Variants in GNG2 observed in about 807,000 individuals in gnomAD.
GNG2 encodes guanine nucleotide-binding protein G(I)/G(S)/G(O) subunit gamma-2.
Under a neutral mutation model 5.5 loss-of-function variants are expected in GNG2, and 5 were observed. That is an observed-to-expected ratio of 0.91 (90% confidence interval 0.48 to 1.92). The LOEUF (loss-of-function observed/expected upper bound fraction) is 1.92, where lower values mean the gene tolerates loss of function less well. Among genes scored for constraint, GNG2 ranks in the 30% most tolerant of loss-of-function variants. GNG2 has a pLI of 0.01. For missense variants in GNG2, 55 were observed against 88.4 expected, an observed-to-expected ratio of 0.62 and a Z score of 1.52; for synonymous variants, 28 against 32.0, an observed-to-expected ratio of 0.88 and a Z score of 0.42.
At chr14:51,876,042 A>G (rs544514035) in intron 1 of GNG2, among the ~76,000 whole-genome samples, 29 of 149,540 alleles carry the variant, frequency 1.9e-4, no homozygotes, top group African/African-American at 7.2e-4. Context: ...GGCTCAAGCT[A>G]TCCTCCCACC....
In GNG2 at chr14:51,936,180, G is replaced by A. The variant is rs541946633; in HGVS notation, c.-29-14470G>A. 4.6e-5 allele frequency among the ~76,000 whole-genome samples: 7 copies of A among 152,278 alleles called. No individual in the cohort carries two copies. The East Asian group carries it at 1.2e-3, about 25-fold the overall frequency. On this transcript the variant is annotated intron_variant, in intron 2 of 3. Coordinates refer to ENST00000556766, the MANE Select transcript of GNG2 (RefSeq NM_053064.5). ...AACCTGTATCACAAGTGATTAAAGT[G>A]TATTAAATCAGTGGTTATAAAAGGG...
intron 2 of GNG2, among the ~76,000 whole-genome samples, chr14:51,882,108 TGTAAATAAGG>T (rs1884118133): frequency 6.6e-6 from 1 of 152,192 alleles, no homozygotes; most frequent in Non-Finnish European, 1.5e-5. Flanking sequence ...AGAGAGTAAA[TGTAAATAAGG>T]ATCAAAATAA....
rs764472514 is a variant in GNG2, at chr14:51,966,545, G to T, written c.88-14G>T. 14 of 1,612,986 alleles carry T rather than the reference G, an allele frequency of 8.7e-6. No individual in the cohort carries two copies. The highest frequency in any genetic ancestry group is 1.2e-5 in the Non-Finnish European group (14 of 1,179,158). On this transcript the variant is annotated splice_polypyrimidine_tract_variant and intron_variant, in intron 3 of 3. Transcript: ENST00000556766. Reference sequence around the variant, plus strand: ...CCAGACTCCAGTGTTGGTTGTTTTTGTCTCCCTTTCCAGGTGTCCAAGGCA... The same window carrying T: ...CCAGACTCCAGTGTTGGTTGTTTTTTTCTCCCTTTCCAGGTGTCCAAGGCA...
intron 2 of GNG2, among the ~76,000 whole-genome samples, chr14:51,851,880 A>T (rs66791267): frequency 0.19 from 28,966 of 152,220 alleles, 2,984 homozygotes; most frequent in Middle Eastern, 0.3. Flanking sequence ...TGATGTATGT[A>T]ATCCTTAAAT....
At chr14:51,937,676 G>T (rs1261962918) in intron 2 of GNG2, among the ~76,000 whole-genome samples, 5 of 117,358 alleles carry the variant, frequency 4.3e-5, no homozygotes, top group Non-Finnish European at 7.8e-5. Flanking sequence ...TGCACATTGT[G>T]CAGGTTAGTT....
intron 2 of GNG2, among the ~76,000 whole-genome samples, chr14:51,950,252 G>A (rs1888893177): frequency 6.6e-6 from 1 of 152,148 alleles, no homozygotes; most frequent in African/African-American, 2.4e-5. Context: ...TTCAAATAGA[G>A]TGGGGAGGAA....
intron 2 of GNG2, among the ~76,000 whole-genome samples, chr14:51,888,760 T>A (rs909590383): frequency 2.6e-5 from 4 of 152,216 alleles, no homozygotes; most frequent in Non-Finnish European, 5.9e-5. Context: ...TGGTTTAGGT[T>A]GAGTACGCAG....
intron 2 of GNG2, among the ~76,000 whole-genome samples, chr14:51,830,234 GT>G (rs754794006): frequency 4.5e-4 from 69 of 152,228 alleles, no homozygotes; most frequent in Non-Finnish European, 8.1e-4. Flanking sequence ...TTCCTTTGTA[GT>G]TTTTTTCTGG....
intron 2 of GNG2, among the ~76,000 whole-genome samples, chr14:51,932,778 G>A (rs1333909003): frequency 2.6e-5 from 4 of 152,020 alleles, no homozygotes; most frequent in African/African-American, 9.7e-5. Context: ...AATCTCTAAA[G>A]TATCGGGTCC....
chr14:51,944,415 A>T lies in GNG2; in HGVS notation c.-29-6235A>T, dbSNP rs572871863. Among the ~76,000 whole-genome samples, 8 of 152,308 alleles carry T rather than the reference A, an allele frequency of 5.3e-5. No homozygotes were observed. The South Asian group carries it at 1.2e-3, about 24-fold the overall frequency. ...CATTTCTCTTTTTATAAGAGTACTA[A>T]TATAATTTATGCAGACTCCACCTTC... On this transcript the variant is annotated intron_variant, in intron 2 of 3. Transcript: ENST00000556766.
At chr14:51,852,103 G>A (rs1017426414) in intron 2 of GNG2, among the ~76,000 whole-genome samples, 1 of 152,130 alleles carries the variant, frequency 6.6e-6, no homozygotes, top group Non-Finnish European at 1.5e-5. Flanking sequence ...GTAAATTTCA[G>A]TATTCTGAAC....
chr14:51,898,794 T>C (rs1885366629), intron 2 of GNG2, among the ~76,000 whole-genome samples: 1 of 152,212 alleles, frequency 6.6e-6, no homozygotes, highest in South Asian at 2.1e-4. Context: ...CTGTCCCCTT[T>C]CTTTGACAGC....
chr14:51,951,839 A>G, intron 3 of GNG2: 1 of 700,256 alleles, frequency 1.4e-6, no homozygotes, highest in South Asian at 1.5e-5. Context: ...TGTAACAGAG[A>G]CCATATGGCC....
chr14:51,903,707 T>C (rs1270725719), intron 2 of GNG2, among the ~76,000 whole-genome samples: 1 of 152,200 alleles, frequency 6.6e-6, no homozygotes, highest in African/African-American at 2.4e-5. Context: ...AGCATAGACC[T>C]GCACGATAAA....
intron 2 of GNG2, among the ~76,000 whole-genome samples, chr14:51,834,259 A>T (rs1284137711): frequency 6.6e-6 from 1 of 152,188 alleles, no homozygotes; most frequent in Non-Finnish European, 1.5e-5. Flanking sequence ...CCTTACCTAT[A>T]CATTGAAGTT....
At chr14:51,845,586 G>A (rs1365278487) in intron 2 of GNG2, among the ~76,000 whole-genome samples, 3 of 152,156 alleles carry the variant, frequency 2.0e-5, no homozygotes, top group Non-Finnish European at 2.9e-5. Context: ...GAAGAACTAC[G>A]AGAGATTCTG....
chr14:51,893,421 T>A (rs1412887171), intron 2 of GNG2, among the ~76,000 whole-genome samples: 1 of 152,182 alleles, frequency 6.6e-6, no homozygotes, highest in East Asian at 1.9e-4. Context: ...CCTTTGCCCA[T>A]GTTTTTATAA....
chr14:51,910,844 C>G (rs1178715532), intron 2 of GNG2, among the ~76,000 whole-genome samples: 1 of 152,222 alleles, frequency 6.6e-6, no homozygotes, highest in African/African-American at 2.4e-5. Context: ...CTAAAATGTT[C>G]AATGTAAAAA....
chr14:51,882,776 G>A (rs548364483), intron 2 of GNG2, among the ~76,000 whole-genome samples: 2 of 152,236 alleles, frequency 1.3e-5, no homozygotes, highest in East Asian at 1.9e-4. Flanking sequence ...TTGGGAGGCC[G>A]AGGCAGGCGG....
Sources: gnomAD v4.1 joint callset for allele counts (sites outside exome capture counted in the v4.1 genomes callset) on GRCh38, gnomAD v4.1.1 for gene constraint, MANE v1.5 for transcripts, NCBI Gene and HGNC (gene_info 2026-07-23, HGNC 2026-07-21) for gene names.